Variants in UBP1 observed in about 807,000 individuals in gnomAD.
The protein encoded by UBP1 is upstream-binding protein 1.
In UBP1, 22 loss-of-function variants were observed where a neutral mutation model predicts 76.1. The observed-to-expected ratio is 0.29, with a 90% confidence interval of 0.21 to 0.41. The LOEUF (loss-of-function observed/expected upper bound fraction) is 0.41. Among genes scored for constraint, UBP1 ranks in the 10% least tolerant of loss-of-function variants. The probability of loss-of-function intolerance (pLI) is 1.00; values close to 1 mark genes in which losing one functional copy is unlikely to be tolerated. For synonymous variants in UBP1, 224 were observed against 237.1 expected, an observed-to-expected ratio of 0.94 and a Z score of 0.51; for missense variants, 436 against 668.1, an observed-to-expected ratio of 0.65 and a Z score of 3.83.
intron 1 of UBP1, among the ~76,000 whole-genome samples, chr3:33,436,994 C>T (rs1471818971): frequency 6.6e-6 from 1 of 152,130 alleles, no homozygotes; most frequent in Non-Finnish European, 1.5e-5. Context: ...TTTTTAAAAA[C>T]ATTTATGACC....
intron 15 of UBP1, 108 bp from the exon 16 acceptor site, chr3:33,390,476 A>C (rs1375800595): frequency 8.6e-7 from 1 of 1,157,480 alleles, no homozygotes; most frequent in Non-Finnish European, 1.3e-6. Flanking sequence ...TTCAGAGGTT[A>C]CCTTTAAATG....
At chr3:33,430,552 T>C (rs2045095798) in intron 1 of UBP1, among the ~76,000 whole-genome samples, 1 of 152,154 alleles carries the variant, frequency 6.6e-6, no homozygotes, top group Admixed American at 6.5e-5. Context: ...ACAGATGACA[T>C]ATATCCAGTT....
At chr3:33,392,758 CAA>C in intron 14 of UBP1, 144 bp from the exon 15 acceptor site, 1 of 693,404 alleles carries the variant, frequency 1.4e-6, no homozygotes, top group Non-Finnish European at 2.4e-6. Flanking sequence ...TGTGAGGCAG[CAA>C]AGATGCACAC....
intron 1 of UBP1, among the ~76,000 whole-genome samples, chr3:33,436,256 G>A (rs762073323): frequency 6.6e-6 from 1 of 152,168 alleles, no homozygotes; most frequent in Non-Finnish European, 1.5e-5. Context: ...TATCACTGTG[G>A]TGAGAACATT....
chr3:33,426,012 TATATATATATATATATATATATATATAG>T (rs1361970430), intron 1 of UBP1, among the ~76,000 whole-genome samples: 15 of 88,366 alleles, frequency 1.7e-4, no homozygotes, highest in Admixed American at 5.9e-4. Context: ...TATATATATA[TATATATATATATATATATATATATATAG>T]CACTTTAAAA....
intron 8 of UBP1, among the ~76,000 whole-genome samples, chr3:33,404,683 ACT>A (rs1491326285): frequency 6.6e-6 from 1 of 152,122 alleles, no homozygotes; most frequent in Non-Finnish European, 1.5e-5. Context: ...AACTCTAATG[ACT>A]AAGTTTTTCT....
At chr3:33,397,408 C>T (rs539750990) in intron 11 of UBP1, 7 of 248,994 alleles carry the variant, frequency 2.8e-5, no homozygotes, top group African/African-American at 6.7e-5. Flanking sequence ...GAACTCTTCC[C>T]GATATAGGAT....
intron 15 of UBP1, chr3:33,392,280 A>G (rs2043799536): frequency 6.2e-6 from 2 of 320,308 alleles, no homozygotes; most frequent in African/African-American, 2.1e-5. Flanking sequence ...TTTATTCAAT[A>G]GATCCACTGA....
In UBP1 at chr3:33,392,553, T is replaced by C; in HGVS notation, c.1585+10A>G. 2.5e-6 allele frequency: 4 copies of C among 1,609,092 alleles called. No homozygotes were observed. Among genetic ancestry groups the C allele is most frequent in the Non-Finnish European group, 3.4e-6 (4 of 1,178,194 alleles). Reference sequence around the variant, plus strand: ...TCCAGCATTTTAAGACACACACACATGCAAAGTACCTTTTACTGTGGAGAA... The same window carrying C: ...TCCAGCATTTTAAGACACACACACACGCAAAGTACCTTTTACTGTGGAGAA... On this transcript the variant is annotated intron_variant, in intron 15 of 15. Coordinates refer to ENST00000283629, the MANE Select transcript of UBP1 (RefSeq NM_014517.5).
chr3:33,417,205 A>C (rs1164290082), intron 2 of UBP1, among the ~76,000 whole-genome samples: 1 of 152,214 alleles, frequency 6.6e-6, no homozygotes, highest in Non-Finnish European at 1.5e-5. Context: ...GTATAGTCAG[A>C]GTTGTGCAAC....
chr3:33,438,996 T>C (rs1279658146), intron 1 of UBP1, among the ~76,000 whole-genome samples: 2 of 152,150 alleles, frequency 1.3e-5, no homozygotes, highest in African/African-American at 4.8e-5. Flanking sequence ...AAATACAGAG[T>C]TTCCAAATTC....
intron 15 of UBP1, chr3:33,392,214 G>C (rs2043795581): frequency 5.1e-6 from 1 of 196,774 alleles, no homozygotes; most frequent in Non-Finnish European, 1.0e-5. Context: ...GGAATTTTGT[G>C]TATCTCTTGG....
chr3:33,409,143 T>C, intron 7 of UBP1, 93 bp downstream of exon 7: 1 of 1,245,806 alleles, frequency 8.0e-7, no homozygotes, highest in South Asian at 1.4e-5. Context: ...CCACCCAATC[T>C]TCCCCAACCC....
intron 8 of UBP1, among the ~76,000 whole-genome samples, chr3:33,405,188 A>G (rs1036410044): frequency 1.3e-5 from 2 of 152,170 alleles, no homozygotes; most frequent in Non-Finnish European, 2.9e-5. Context: ...AATAAATAAG[A>G]AAAAAATTTT....
chr3:33,400,250 T>C lies in UBP1; in HGVS notation c.1119A>G (p.Thr373=). The C allele has an allele frequency of 6.2e-7, 1 of 1,601,354 alleles. No individual in the cohort carries two copies. Among genetic ancestry groups the C allele is most frequent in the Middle Eastern group, 1.7e-4 (1 of 6,046 alleles). The change falls in exon 11 of 16, where the codon ACA becomes ACG. Residue 373 remains threonine (T), a synonymous_variant. Coordinates refer to ENST00000283629, the MANE Select transcript of UBP1 (RefSeq NM_014517.5). ...QIQPSATIQE[T]QQWLLKNRFS... ...ATCTGTTTTTGAGCAGCCATTGCTG[T>C]GTTTCCTGGATCGTAGCTGAAGGCT...
chr3:33,425,996 AATATATATATATATATATAT>A (rs60739079), intron 1 of UBP1, among the ~76,000 whole-genome samples: 742 of 55,136 alleles, frequency 0.013, 23 homozygotes, highest in Middle Eastern at 0.03. Flanking sequence ...GGCAGCTCTG[AATATATATATATATATATAT>A]ATATATATAT....
rs2045258480 is a variant in UBP1, at chr3:33,439,659, C to A, written c.113+77G>T. ...GCCCGCGCACCTCTGGGAGCAGCCGCATCTGGCAGAGACTCAGGGCTGCGC... is the reference window on the plus strand; with the variant it reads ...GCCCGCGCACCTCTGGGAGCAGCCGAATCTGGCAGAGACTCAGGGCTGCGC... On this transcript the variant is annotated intron_variant, in intron 1 of 15. Transcript: ENST00000283629. The A allele has an allele frequency of 2.0e-6, 3 of 1,492,484 alleles. No homozygotes were observed. In the Admixed American group the frequency reaches 6.0e-5, roughly 30 times the overall value. The allele number at this position is 1,492,484 out of a possible 1,614,324, so 92.5% of individuals were successfully genotyped here.
intron 1 of UBP1, among the ~76,000 whole-genome samples, chr3:33,434,490 T>C (rs998534965): frequency 3.3e-5 from 5 of 149,770 alleles, no homozygotes; most frequent in African/African-American, 9.8e-5. Flanking sequence ...TTTCACCATG[T>C]TGGCCAGCCT....
chr3:33,395,687 T>C (rs1485703368), intron 13 of UBP1, among the ~76,000 whole-genome samples: 1 of 138,768 alleles, frequency 7.2e-6, no homozygotes, highest in East Asian at 2.1e-4. Flanking sequence ...GACTATTACA[T>C]GCAGGCACTG....
Sources: allele counts gnomAD v4.1 joint callset (sites outside exome capture counted in the v4.1 genomes callset), GRCh38; gene constraint gnomAD v4.1.1; transcripts MANE v1.5; gene names NCBI Gene and HGNC (gene_info 2026-07-23, HGNC 2026-07-21).